Variants in ARPIN observed in about 807,000 individuals in gnomAD.
ARPIN encodes UPF0552 protein C15orf38.
Under a neutral mutation model 25.9 loss-of-function variants are expected in ARPIN, and 23 were observed. That is an observed-to-expected ratio of 0.89 (90% CI 0.64 to 1.26). The LOEUF (loss-of-function observed/expected upper bound fraction) is 1.26. ARPIN is among the 50% of genes most tolerant of loss of function. The pLI, the probability that ARPIN is intolerant of heterozygous loss-of-function variation, is 0.00. For missense variants in ARPIN, 333 were observed against 312.2 expected (o/e 1.07, Z -0.50); for synonymous variants, 126 against 131.4 (o/e 0.96, Z 0.28).
chr15:89,912,314 C>A, intron 1 of ARPIN: 1 of 999,928 alleles, frequency 1.0e-6, no homozygotes, highest in Non-Finnish European at 1.2e-6. Flanking sequence ...CCAGGCAGGC[C>A]CTGCTCTGGA....
In ARPIN at chr15:89,903,269, C is replaced by G. The variant is rs77669897; in HGVS notation, c.619G>C (p.Gly207Arg). The stretch of plus-strand genomic sequence containing the variant: ...TGCTCTCGGATCTCCGCTGCAGCCC[C>G]CTTCGAACACTTTTGGGCCATGATG... Reference protein sequence around the residue: ...DNIMAQKCSKGAAAEIREQGD... With the variant: ...DNIMAQKCSKRAAAEIREQGD... Residue 207 changes from glycine to arginine, a missense_variant, in exon 5 of 6, where the codon GGG (glycine) becomes CGG (arginine). Transcript: ENST00000357484. The G allele has an allele frequency of 1.9e-4, 313 of 1,614,242 alleles. 3 individuals are homozygous for G. In the East Asian group the frequency reaches 6.5e-3, roughly 33 times the overall value.
In ARPIN at chr15:89,906,579, G is replaced by A. The variant is rs114197640; in HGVS notation, c.301+1701C>T. ...CTCTACTGGACTAAGAACATTTCAA[G>A]TATACGACTGGGTCTTGTTCATCCC... On this transcript the variant is annotated intron_variant, in intron 3 of 5. Coordinates refer to ENST00000357484, the MANE Select transcript of ARPIN (RefSeq NM_182616.4). Among the ~76,000 whole-genome samples the A allele has an allele frequency of 8.6e-3, 1,302 of 152,270 alleles. 19 individuals are homozygous for A. Among genetic ancestry groups the A allele is most frequent in the African/African-American group, 0.03 (1,244 of 41,542 alleles).
chr15:89,912,936 C>G lies in ARPIN; in HGVS notation c.-101G>C. 1 of 1,370,040 alleles carries G rather than the reference C, an allele frequency of 7.3e-7. No homozygotes were observed. Among genetic ancestry groups the G allele is most frequent in the Non-Finnish European group, 9.5e-7 (1 of 1,056,686 alleles). 84.9% of individuals were successfully genotyped at this position (1,370,040 alleles called of 1,614,324 possible). Reference sequence around the variant, plus strand: ...ACGCGCGGGGACCCGCGATTCCCAGCCGGCGGATCCGGGAATGGCGCGGCC... The same window carrying G: ...ACGCGCGGGGACCCGCGATTCCCAGGCGGCGGATCCGGGAATGGCGCGGCC... On this transcript the variant is annotated 5_prime_UTR_variant, in exon 1 of 6. Transcript: ENST00000357484.
chr15:89,907,919 G>A (rs767848803), intron 3 of ARPIN, among the ~76,000 whole-genome samples: 3 of 152,250 alleles, frequency 2.0e-5, no homozygotes, highest in Non-Finnish European at 4.4e-5. Flanking sequence ...CACGGACTGA[G>A]ACCCCAGAAC....
chr15:89,908,473 G>C lies in ARPIN; in HGVS notation c.169-61C>G, dbSNP rs1189553685. 4.4e-6 allele frequency: 7 copies of C among 1,595,796 alleles called. No homozygotes were observed. The African/African-American group carries it at 9.5e-5, about 22-fold the overall frequency. On this transcript the variant is annotated intron_variant, in intron 2 of 5. Transcript: ENST00000357484. Reference sequence around the variant, plus strand: ...TCATCCCACAACACACACACTCTGGGCTCCGGCTGCAGCCCCGCCAACCTC... The same window carrying C: ...TCATCCCACAACACACACACTCTGGCCTCCGGCTGCAGCCCCGCCAACCTC...
chr15:89,912,663 T>TTTGGGGCCCC, intron 1 of ARPIN, 81 bp downstream of exon 1: 1 of 871,106 alleles, frequency 1.1e-6, no homozygotes, highest in South Asian at 3.2e-5. Flanking sequence ...CCCACCCGCA[T>TTTGGGGCCCC]CCCACCCCCC....
rs1416242354 is a variant in ARPIN at position 89,912,750 on chromosome 15, T to C, written c.86A>G (p.His29Arg). 2.3e-6 allele frequency: 3 copies of C among 1,318,158 alleles called. No individual in the cohort carries two copies. The highest frequency in any genetic ancestry group is 2.9e-6 in the Non-Finnish European group (3 of 1,021,910). 81.7% of individuals were successfully genotyped at this position (1,318,158 alleles called of 1,614,324 possible). The change falls in exon 1 of 6, where the codon CAC becomes CGC. Residue 29 changes from histidine (H) to arginine (R), a missense_variant. By Grantham distance (29) the His-to-Arg change is conservative. Coordinates refer to ENST00000357484, the MANE Select transcript of ARPIN (RefSeq NM_182616.4). ...GCCGTGAGCCCAGGCCTACCCCTGGTGGGCGGCGGGGTCCCAGGCCCCTGG... is the reference window on the plus strand; with the variant it reads ...GCCGTGAGCCCAGGCCTACCCCTGGCGGGCGGCGGGGTCCCAGGCCCCTGG... ...RLPGAWDPAAHQGGNGVLLEG... is the reference protein window; with the variant it reads ...RLPGAWDPAARQGGNGVLLEG...
chr15:89,895,235 TAAA>T lies in ARPIN; in HGVS notation c.*6557_*6559del, dbSNP rs1207245025. The T allele has an allele frequency of 6.6e-6, 1 of 152,172 alleles. No individual in the cohort carries two copies. Among genetic ancestry groups the T allele is most frequent in the African/African-American group, 2.4e-5 (1 of 41,450 alleles). The allele number at this position is 152,172 out of a possible 1,614,324, so 9.4% of individuals were successfully genotyped here. The stretch of plus-strand genomic sequence containing the variant: ...AATATGAGAAATATTAAATAGATAA[TAAA>T]AATCATGCTGGGAAAGATTTATGAT... On this transcript the variant is annotated 3_prime_UTR_variant, in exon 6 of 6. Transcript: ENST00000357484.
At chr15:89,908,492 C>A in intron 2 of ARPIN, 80 bp from the exon 3 acceptor site, 1 of 1,583,380 alleles carries the variant, frequency 6.3e-7, no homozygotes, top group Non-Finnish European at 8.6e-7. Context: ...GCAGCCCCGC[C>A]AACCTCACAT....
At chr15:89,902,636 C>T (rs543443781) in intron 5 of ARPIN, among the ~76,000 whole-genome samples, 5 of 150,746 alleles carry the variant, frequency 3.3e-5, no homozygotes, top group African/African-American at 9.8e-5. Flanking sequence ...CCCAGGAGTT[C>T]GAGGCTGCAG....
chr15:89,903,427 CATAGTGAGGGCTGGG>C, intron 4 of ARPIN, 48 bp from the exon 5 acceptor site: 1 of 1,610,360 alleles, frequency 6.2e-7, no homozygotes, highest in Non-Finnish European at 8.5e-7. Context: ...GTGGCAGAAA[CATAGTGAGGGCTGGG>C]CCCATTATGG....
intron 2 of ARPIN, among the ~76,000 whole-genome samples, chr15:89,909,704 G>T (rs1267107878): frequency 6.6e-6 from 1 of 152,216 alleles, no homozygotes; most frequent in Non-Finnish European, 1.5e-5. Context: ...AGGGGGACAG[G>T]TGCAAGGTTT....
In ARPIN at chr15:89,901,702, A is replaced by G. The variant is rs1357812625; in HGVS notation, c.*93T>C. ...GGAAGAACCAGGTAAGACTTGGCAGACTGTTCTCTCCAGCTCCAGAGTAGA... is the reference window on the plus strand; with the variant it reads ...GGAAGAACCAGGTAAGACTTGGCAGGCTGTTCTCTCCAGCTCCAGAGTAGA... On this transcript the variant is annotated 3_prime_UTR_variant, in exon 6 of 6. Coordinates refer to ENST00000357484, the MANE Select transcript of ARPIN (RefSeq NM_182616.4). The G allele has an allele frequency of 2.0e-6, 3 of 1,477,584 alleles. No homozygotes were observed. The African/African-American group carries it at 4.2e-5, about 21-fold the overall frequency. The allele number at this position is 1,477,584 out of a possible 1,614,324, so 91.5% of individuals were successfully genotyped here. A position where few individuals can be genotyped will look rare whatever the true frequency, so the allele number is the denominator to read the frequency against.
chr15:89,904,928 C>A (rs775496550), intron 3 of ARPIN, among the ~76,000 whole-genome samples: 19 of 152,226 alleles, frequency 1.2e-4, no homozygotes. Flanking sequence ...GCCCTCTGCC[C>A]TGACACCCTC....
intron 1 of ARPIN, among the ~76,000 whole-genome samples, chr15:89,911,238 T>G (rs1399329401): frequency 6.6e-6 from 1 of 152,264 alleles, no homozygotes; most frequent in African/African-American, 2.4e-5. Context: ...GGTAGGTATC[T>G]AAGCTGCAAT....
chr15:89,910,719 G>A, intron 2 of ARPIN, 25 bp downstream of exon 2: 2 of 1,613,864 alleles, frequency 1.2e-6, no homozygotes, highest in Non-Finnish European at 1.7e-6. Flanking sequence ...GTGCCCTCTA[G>A]CTAGCACCGA....
Position 89,912,902 on chromosome 15 carries a change from T to A in ARPIN, c.-67A>T. 6.9e-7 allele frequency: 1 copy of A among 1,441,912 alleles called. No homozygotes were observed. Among genetic ancestry groups the A allele is most frequent in the Non-Finnish European group, 9.0e-7 (1 of 1,105,000 alleles). 89.3% of individuals were successfully genotyped at this position (1,441,912 alleles called of 1,614,324 possible). On this transcript the variant is annotated 5_prime_UTR_variant, in exon 1 of 6. Coordinates refer to ENST00000357484, the MANE Select transcript of ARPIN (RefSeq NM_182616.4). ...TGGGCTGGGGGCGCGGCGCGGGAAG[T>A]GCTGCAGGACGCGCGGGGACCCGCG...
intron 2 of ARPIN, 82 bp from the exon 3 acceptor site, chr15:89,908,494 AC>A: frequency 6.3e-7 from 1 of 1,580,584 alleles, no homozygotes. Context: ...AGCCCCGCCA[AC>A]CTCACATCTA....
Position 89,908,839 on chromosome 15 carries a change from C to T in ARPIN, c.169-427G>A, listed in dbSNP as rs1897174210. ...TCCATCAAAAATATAAAAAATTAGC[C>T]AGGTGTGGTGGCATGTGCCTGTAAT... On this transcript the variant is annotated intron_variant, in intron 2 of 5. Coordinates refer to ENST00000357484, the MANE Select transcript of ARPIN (RefSeq NM_182616.4). Among the ~76,000 whole-genome samples, 3 of 151,972 alleles carry T rather than the reference C, an allele frequency of 2.0e-5. No individual in the cohort carries two copies. The South Asian group carries it at 6.2e-4, about 32-fold the overall frequency.
Sources: allele counts gnomAD v4.1 joint callset (sites outside exome capture counted in the v4.1 genomes callset), GRCh38; gene constraint gnomAD v4.1.1; transcripts MANE v1.5; gene names NCBI Gene and HGNC (gene_info 2026-07-23, HGNC 2026-07-21).